Variants in TGIF1 observed in about 807,000 individuals in gnomAD.
TGIF1 encodes the protein TGFB induced factor homeobox 1.
Under a neutral mutation model 19.3 loss-of-function variants are expected in TGIF1, and 4 were observed. The observed-to-expected ratio is 0.21, with a 90% confidence interval of 0.10 to 0.47. TGIF1 has a LOEUF of 0.47. Among genes scored for constraint, TGIF1 ranks in the 20% least tolerant of loss-of-function variants. The pLI is 0.98. For missense variants in TGIF1, 275 were observed against 341.4 expected (o/e 0.81, Z 1.53); for synonymous variants, 122 against 129.3 (o/e 0.94, Z 0.38).
At chr18:3,429,110 G>A (rs1023453934) in intron 2 of TGIF1, among the ~76,000 whole-genome samples, 12 of 152,006 alleles carry the variant, frequency 7.9e-5, no homozygotes, top group Admixed American at 7.9e-4. Flanking sequence ...AGTGTAGAGT[G>A]TAGTGGTAGG....
At chr18:3,447,939 G>T, upstream of TGIF1, 1 of 1,445,864 alleles carries the variant, frequency 6.9e-7, no homozygotes, top group Non-Finnish European at 9.5e-7. Context: ...GGTTGCCTGA[G>T]AATCGCAGTC....
upstream of TGIF1, among the ~76,000 whole-genome samples, chr18:3,445,756 G>GAGA (rs2082735699): frequency 4.4e-5 from 1 of 22,746 alleles, no homozygotes; most frequent in African/African-American, 2.1e-4. Flanking sequence ...AAAAAAAAGA[G>GAGA]AAGAAAAGCA....
intron 1 of TGIF1, 125 bp downstream of exon 1, chr18:3,450,630 G>T: frequency 2.0e-6 from 3 of 1,530,170 alleles, no homozygotes. Flanking sequence ...TGGAGTGGCG[G>T]CCGTGCTCTT....
In TGIF1 at chr18:3,456,442, G is replaced by A; in HGVS notation, c.105G>A (p.Lys35=). 1 of 1,614,256 alleles carries A rather than the reference G, an allele frequency of 6.2e-7. No homozygotes were observed. Residue 35 remains lysine, a synonymous_variant, in exon 2 of 3, where the codon AAG becomes AAA. Transcript: ENST00000343820. The surrounding 1 kb of genome is among the most constrained non-coding windows in gnomAD (Gnocchi z 4.2). ...TTTCTTCATCCGCTGGCTCAGGCAA[G>A]AGAAGGAGAAGGGGCAACCTACCCA... is the stretch of plus-strand genomic sequence containing the variant. ...LDLSSSAGSG[K]RRRRGNLPKE...
intron 1 of TGIF1, 126 bp downstream of exon 1, chr18:3,450,631 C>T: frequency 2.0e-6 from 3 of 1,528,512 alleles, no homozygotes; most frequent in Non-Finnish European, 2.6e-6. Context: ...GGAGTGGCGG[C>T]CGTGCTCTTT....
chr18:3,422,792 A>G lies in TGIF1; in HGVS notation c.-45+4577A>G, dbSNP rs535469744. 1.5e-3 allele frequency among the ~76,000 whole-genome samples: 219 copies of G among 142,342 alleles called. 2 individuals are homozygous for G. The highest frequency in any genetic ancestry group is 0.014 in the South Asian group (64 of 4,474). The allele number at this position is 142,342 out of a possible 152,430, so 93.4% of individuals were successfully genotyped here. A position where few individuals can be genotyped will look rare whatever the true frequency, so the allele number is the denominator to read the frequency against. On this transcript the variant is annotated intron_variant, in intron 2 of 3. Transcript: ENST00000401449. ...TGCAAGCTCCACCTCCTGGGTTCAC[A>G]CCATTCTCCTGCCTCAGCCTCCTGA...
intron 2 of TGIF1, among the ~76,000 whole-genome samples, chr18:3,444,742 T>A (rs1023904052): frequency 6.6e-6 from 1 of 152,112 alleles, no homozygotes; most frequent in Non-Finnish European, 1.5e-5. Flanking sequence ...GAAAATTTTT[T>A]AAAAATAAAA....
In TGIF1 at chr18:3,451,595, A is replaced by C; in HGVS notation, c.16+1090A>C. 1.1e-5 allele frequency: 12 copies of C among 1,044,170 alleles called. No individual in the cohort carries two copies. The highest frequency in any genetic ancestry group is 7.2e-5 in the East Asian group (1 of 13,846). The allele number at this position is 1,044,170 out of a possible 1,614,324, so 64.7% of individuals were successfully genotyped here. ...AGCCGCCTGGAGTTTGGAACTCCAC[A>C]TTCTTTCAGACCCGGCCCGCTGCGG... is the stretch of plus-strand genomic sequence containing the variant. On this transcript the variant is annotated intron_variant, in intron 1 of 2. Coordinates refer to ENST00000343820, the MANE Select transcript of TGIF1 (RefSeq NM_003244.4). This position sits in a 1 kb window ranked among gnomAD's most constrained non-coding sequence, Gnocchi z 5.4.
intron 1 of TGIF1, among the ~76,000 whole-genome samples, chr18:3,450,772 C>T (rs1033014802): frequency 6.6e-6 from 1 of 152,226 alleles, no homozygotes; most frequent in Non-Finnish European, 1.5e-5. Flanking sequence ...GTTTGTGCGC[C>T]TGCAAGTTTC....
chr18:3,432,137 A>C (rs1034625101), intron 2 of TGIF1, among the ~76,000 whole-genome samples: 19 of 151,848 alleles, frequency 1.3e-4, no homozygotes, highest in African/African-American at 2.9e-4. Context: ...AAAAAAAAAA[A>C]AAAAAAACAC....
At position 3,458,209 on chromosome 18, in the gene TGIF1, T is replaced by C. The variant is rs1414872313; in HGVS notation, c.*269T>C. The C allele has an allele frequency of 1.2e-5, 5 of 428,824 alleles. No homozygotes were observed. The highest frequency in any genetic ancestry group is 2.1e-5 in the Non-Finnish European group (5 of 241,120). 26.6% of individuals were successfully genotyped at this position (428,824 alleles called of 1,614,324 possible). On this transcript the variant is annotated 3_prime_UTR_variant, in exon 3 of 3. Transcript: ENST00000343820. ...ATGGTTCCCAATATCATGTGATTTT[T>C]TTTTTCCTCCCCTTCCCTTTTTTTG...
At chr18:3,434,420 C>G (rs185535708) in intron 2 of TGIF1, among the ~76,000 whole-genome samples, 61 of 152,234 alleles carry the variant, frequency 4.0e-4, no homozygotes, top group Admixed American at 2.9e-3. Flanking sequence ...CCTGTAATCC[C>G]AGCTACTTGG....
chr18:3,440,117 G>A (rs1402129326), intron 2 of TGIF1, among the ~76,000 whole-genome samples: 2 of 152,120 alleles, frequency 1.3e-5, no homozygotes, highest in African/African-American at 4.8e-5. Context: ...TTGGGAGGCT[G>A]AGGAGAGCAG....
intron 1 of TGIF1, among the ~76,000 whole-genome samples, chr18:3,412,577 G>A (rs1425558752): frequency 1.3e-5 from 2 of 152,186 alleles, no homozygotes; most frequent in African/African-American, 4.8e-5. Context: ...CTGGGAGGTG[G>A]TATGAGTAAT....
Position 3,451,407 on chromosome 18 carries a change from T to C in TGIF1, c.16+902T>C. On this transcript the variant is annotated intron_variant, in intron 1 of 2. Coordinates refer to ENST00000343820, the MANE Select transcript of TGIF1 (RefSeq NM_003244.4). The surrounding 1 kb of genome is among the most constrained non-coding windows in gnomAD (Gnocchi z 5.4). ...CGAAAGGTCAGAGTGTGAAGTCCCT[T>C]TTGAAGTTAACAAAAATTGAGTCCC... The C allele has an allele frequency of 2.0e-6, 2 of 985,390 alleles. No homozygotes were observed. Among genetic ancestry groups the C allele is most frequent in the Non-Finnish European group, 1.2e-6 (1 of 829,924 alleles). The allele number at this position is 985,390 out of a possible 1,614,324, so 61.0% of individuals were successfully genotyped here.
At chr18:3,422,105 A>C (rs2082406140) in intron 2 of TGIF1, among the ~76,000 whole-genome samples, 1 of 151,456 alleles carries the variant, frequency 6.6e-6, no homozygotes, top group African/African-American at 2.4e-5. Flanking sequence ...GAGGCAGGAG[A>C]ATCGCTTGAA....
At chr18:3,454,900 A>G (rs2083117222) in intron 1 of TGIF1, among the ~76,000 whole-genome samples, 1 of 152,188 alleles carries the variant, frequency 6.6e-6, no homozygotes. Context: ...AAAACTAAAA[A>G]TGTGTCACCA....
chr18:3,413,677 G>A (rs543134947), intron 1 of TGIF1, among the ~76,000 whole-genome samples: 24 of 152,048 alleles, frequency 1.6e-4, no homozygotes, highest in African/African-American at 5.8e-4. Context: ...CAAGACCAGC[G>A]TGGGCAACAC....
In TGIF1 at chr18:3,428,918, C is replaced by T. The variant is rs376695265; in HGVS notation, c.-45+10703C>T. 1.9e-4 allele frequency among the ~76,000 whole-genome samples: 29 copies of T among 151,572 alleles called. No individual in the cohort carries two copies. In the East Asian group the frequency reaches 4.1e-3, roughly 22 times the overall value. On this transcript the variant is annotated intron_variant, in intron 2 of 3. Coordinates refer to the TGIF1 transcript ENST00000401449. The stretch of plus-strand genomic sequence containing the variant: ...AAAAAATAAAATAAGCCGAGCATGG[C>T]GGCGTGCCCCTGTAGTCCCAGCTAC...
Sources: allele counts gnomAD v4.1 joint callset (sites outside exome capture counted in the v4.1 genomes callset), GRCh38; gene constraint gnomAD v4.1.1; non-coding constraint Gnocchi (gnomAD v3.1); transcripts MANE v1.5; gene names NCBI Gene and HGNC (gene_info 2026-07-23, HGNC 2026-07-21).